Variants in LILRA4 observed in about 807,000 individuals in gnomAD.
LILRA4 encodes leukocyte immunoglobulin-like receptor subfamily A member 4.
Under a neutral mutation model 49.5 loss-of-function variants are expected in LILRA4, and 51 were observed. The ratio of observed to expected loss-of-function variants is 1.03; its 90% CI spans 0.82 to 1.30. The LOEUF (loss-of-function observed/expected upper bound fraction) is 1.30, where lower values mean the gene tolerates loss of function less well. LILRA4 is among the 50% of genes most tolerant of loss of function. The pLI is 0.00. For missense variants in LILRA4, 624 were observed against 625.6 expected (o/e 1.00, Z 0.03); for synonymous variants, 272 against 265.6 (o/e 1.02, Z -0.23).
chr19:54,333,980 A>G lies in LILRA4; in HGVS notation c.1256-15T>C. 1.2e-6 allele frequency: 2 copies of G among 1,612,092 alleles called. No homozygotes were observed. The highest frequency in any genetic ancestry group is 2.2e-5 in the East Asian group (1 of 44,870). On this transcript the variant is annotated splice_polypyrimidine_tract_variant and intron_variant, in intron 6 of 7. Coordinates refer to ENST00000291759, the MANE Select transcript of LILRA4 (RefSeq NM_012276.5). ...CTCAGTTGCTCCTAAGAATCAAAGAATAAGGATGTTGGTGAGAAGCTGAAG... is the reference window on the plus strand; with the variant it reads ...CTCAGTTGCTCCTAAGAATCAAAGAGTAAGGATGTTGGTGAGAAGCTGAAG...
Position 54,338,433 on chromosome 19 carries a change from C to T in LILRA4, c.318G>A (p.Trp106Ter). 1.2e-6 allele frequency: 2 copies of T among 1,614,118 alleles called. No homozygotes were observed. The highest frequency in any genetic ancestry group is 1.7e-6 in the Non-Finnish European group (2 of 1,180,004). Residue 106 changes from tryptophan (W) to a stop codon, truncating the protein, a stop_gained, in exon 3 of 8, where the codon TGG (tryptophan) becomes TGA (stop). Transcript: ENST00000291759. LOFTEE classifies it high-confidence loss of function. ...GCTCCAGGGGGTCGCTGGGCTCTGA[C>T]CAGCCTGCAGGGCTCTGATAGTAAC... ...YHCYYQSPAGWSEPSDPLELV... is the reference protein window; with the variant it reads ...YHCYYQSPAG
intron 5 of LILRA4, 21 bp from the exon 6 acceptor site, chr19:54,337,164 T>C (rs942678075): frequency 1.3e-6 from 2 of 1,597,822 alleles, no homozygotes; most frequent in East Asian, 4.5e-5. Flanking sequence ...GAAGGACGGG[T>C]GAGGGGCTGC....
In LILRA4 at chr19:54,338,407, A is replaced by T. The variant is rs201458285; in HGVS notation, c.344T>A (p.Leu115Gln). Residue 115 changes from leucine to glutamine, a missense_variant, in exon 3 of 8, where the codon CTG becomes CAG. By Grantham distance (113) the Leu-to-Gln change is moderately radical. Transcript: ENST00000291759. ...GAGTGTCCTCTCACCTGTCACCACC[A>T]GCTCCAGGGGGTCGCTGGGCTCTGA... ...GWSEPSDPLE[L>Q]VVTAYSRPTL... is the part of the protein sequence containing the mutation. The T allele has an allele frequency of 1.2e-6, 2 of 1,614,028 alleles. No homozygotes were observed. Among genetic ancestry groups the T allele is most frequent in the African/African-American group, 2.7e-5 (2 of 75,064 alleles).
Position 54,338,549 on chromosome 19 carries a change from A to G in LILRA4, c.202T>C (p.Ser68Pro), listed in dbSNP as rs1014142270. Residue 68 changes from serine (S) to proline (P), a missense_variant, in exon 3 of 8, where the codon TCG becomes CCG. Coordinates refer to ENST00000291759, the MANE Select transcript of LILRA4 (RefSeq NM_012276.5). ...TCCAGTGTTTTTAATATGTGCCTCG[A>G]CATTGAGTTTCCCTCTTTATCCAGA... The part of the protein sequence containing the change: ...YRLDKEGNSM[S>P]RHILKTLESE... 2 of 1,614,034 alleles carry G rather than the reference A, an allele frequency of 1.2e-6. No individual in the cohort carries two copies. The highest frequency in any genetic ancestry group is 1.3e-5 in the African/African-American group (1 of 74,926).
At chr19:54,338,306 G>T (rs1447498364) in intron 3 of LILRA4, 71 bp from the exon 4 acceptor site, 2 of 1,595,060 alleles carry the variant, frequency 1.3e-6, no homozygotes, top group Non-Finnish European at 8.5e-7. Context: ...ACAAGGCTGG[G>T]CTGTGAGAAG....
rs780278788 is a variant in LILRA4, at chr19:54,338,418, G to A, written c.333C>T (p.Asp111=). The change falls in exon 3 of 8, where the codon GAC becomes GAT. Residue 111 remains aspartate (D), a synonymous_variant. Coordinates refer to ENST00000291759, the MANE Select transcript of LILRA4 (RefSeq NM_012276.5). ...QSPAGWSEPS[D]PLELVVTAYS... Reference sequence around the variant, plus strand: ...CACCTGTCACCACCAGCTCCAGGGGGTCGCTGGGCTCTGACCAGCCTGCAG... The same window carrying A: ...CACCTGTCACCACCAGCTCCAGGGGATCGCTGGGCTCTGACCAGCCTGCAG... 1.2e-5 allele frequency: 19 copies of A among 1,613,970 alleles called. No homozygotes were observed. Among genetic ancestry groups the A allele is most frequent in the Admixed American group, 3.3e-5 (2 of 59,998 alleles).
At chr19:54,337,272 C>T in intron 5 of LILRA4, 128 bp downstream of exon 5, 4 of 1,428,124 alleles carry the variant, frequency 2.8e-6, no homozygotes, top group Non-Finnish European at 3.8e-6. Context: ...CCGCCCATCC[C>T]CTGTCTCTGT....
At position 54,339,043 on chromosome 19, in the gene LILRA4, C is replaced by G. The variant is rs370837184; in HGVS notation, c.34+17G>C. The G allele has an allele frequency of 1.2e-5, 19 of 1,613,942 alleles. No individual in the cohort carries two copies. The highest frequency in any genetic ancestry group is 1.4e-5 in the Non-Finnish European group (16 of 1,179,930). ...TCTCCTAGACTAGGGTCTCTCCTCC[C>G]CCTCTTAAGATCTCACCAAAGAAGA... On this transcript the variant is annotated intron_variant, in intron 1 of 7. Transcript: ENST00000291759.
chr19:54,336,582 C>T, intron 6 of LILRA4: 1 of 604,048 alleles, frequency 1.7e-6, no homozygotes, highest in Non-Finnish European at 2.9e-6. Context: ...GGGAGGTTCC[C>T]ATGTATTTCC....
At chr19:54,338,705 C>G (rs1370521632) in intron 2 of LILRA4, 25 bp from the exon 3 acceptor site, 1 of 1,597,004 alleles carries the variant, frequency 6.3e-7, no homozygotes, top group South Asian at 1.1e-5. Context: ...CAGGTTAGGT[C>G]CCAAGATGTC....
At chr19:54,336,345 G>A (rs1456453246) in intron 6 of LILRA4, 1 of 183,254 alleles carries the variant, frequency 5.5e-6, no homozygotes, top group African/African-American at 2.4e-5. Flanking sequence ...TCAGGACTTA[G>A]AGGCTGGGGA....
Position 54,337,659 on chromosome 19 carries a change from G to T in LILRA4, c.693C>A (p.Gly231=). The stretch of plus-strand genomic sequence containing the variant: ...GATTCTCTCCGGGGGTCACGACAGG[G>T]CCCTGCAGGGTCAGGAGGGAGGGCT... ...SRKPSLLTLQ[G]PVVTPGENLT... The change falls in exon 5 of 8, where the codon GGC becomes GGA. Residue 231 remains glycine, a synonymous_variant. Transcript: ENST00000291759. 6.2e-7 allele frequency: 1 copy of T among 1,613,166 alleles called. No individual in the cohort carries two copies. The highest frequency in any genetic ancestry group is 8.5e-7 in the Non-Finnish European group (1 of 1,179,696).
At chr19:54,335,286 A>G (rs2081312248) in intron 6 of LILRA4, 2 of 152,034 alleles carry the variant, frequency 1.3e-5, no homozygotes, top group African/African-American at 4.8e-5. Flanking sequence ...AGTTGTCACG[A>G]GATCTTGTTA....
chr19:54,338,832 A>C, intron 2 of LILRA4, 34 bp downstream of exon 2: 2 of 1,613,540 alleles, frequency 1.2e-6, no homozygotes, highest in Non-Finnish European at 1.7e-6. Flanking sequence ...CCCAGAGAGG[A>C]GGAGGGACCT....
intron 6 of LILRA4, 86 bp from the exon 7 acceptor site, chr19:54,334,051 T>C (rs1437563740): frequency 4.6e-6 from 5 of 1,091,288 alleles, no homozygotes; most frequent in Non-Finnish European, 7.0e-6. Context: ...CCACCTCTCA[T>C]GGTGTGACTT....
intron 1 of LILRA4, 35 bp downstream of exon 1, chr19:54,339,025 G>C: frequency 1.2e-6 from 2 of 1,613,742 alleles, no homozygotes; most frequent in South Asian, 2.2e-5. Flanking sequence ...CTCTCTCCTA[G>C]ACTAGGGTCT....
In LILRA4 at chr19:54,337,091, G is replaced by A. The variant is rs776927908; in HGVS notation, c.1005C>T (p.Thr335=). 28 of 1,613,912 alleles carry A rather than the reference G, an allele frequency of 1.7e-5. No individual in the cohort carries two copies. The South Asian group carries it at 2.9e-4, about 16-fold the overall frequency. Residue 335 remains threonine (T), a synonymous_variant, in exon 6 of 8, where the codon ACC becomes ACT. Transcript: ENST00000291759. ...SLSVQPGPTV[T]SGEKVTLLCQ... ...ACAGCAGGGTCACCTTCTCTCCTGA[G>A]GTCACCGTGGGGCCCGGCTGCACTG... is the stretch of plus-strand genomic sequence containing the variant.
At chr19:54,334,064 T>G in intron 6 of LILRA4, 99 bp from the exon 7 acceptor site, 1 of 986,594 alleles carries the variant, frequency 1.0e-6, no homozygotes, top group South Asian at 1.4e-5. Context: ...TGTGACTTTA[T>G]GTAGATCCTT....
chr19:54,333,390 G>A lies in LILRA4; in HGVS notation c.*182C>T, dbSNP rs1297867407. On this transcript the variant is annotated 3_prime_UTR_variant, in exon 8 of 8. Coordinates refer to ENST00000291759, the MANE Select transcript of LILRA4 (RefSeq NM_012276.5). ...GCCTTACATCATAGGGAAGAAAAACGAAGGAAGGGGCAGTCAAGGAGAGTC... is the reference window on the plus strand; with the variant it reads ...GCCTTACATCATAGGGAAGAAAAACAAAGGAAGGGGCAGTCAAGGAGAGTC... The A allele has an allele frequency of 3.1e-6, 2 of 653,204 alleles. No individual in the cohort carries two copies. The highest frequency in any genetic ancestry group is 2.1e-5 in the South Asian group (1 of 48,390). The allele number at this position is 653,204 out of a possible 1,614,324, so 40.5% of individuals were successfully genotyped here. A position where few individuals can be genotyped will look rare whatever the true frequency, so the allele number is the denominator to read the frequency against.
Sources: gnomAD v4.1 joint callset for allele counts on GRCh38, gnomAD v4.1.1 for gene constraint, MANE v1.5 for transcripts, NCBI Gene and HGNC (gene_info 2026-07-23, HGNC 2026-07-21) for gene names.